The following CPNE4 variants were observed in gnomAD, a reference collection of about 807,000 sequenced individuals.
CPNE4 encodes the protein copine 4, also known as copine-4.
CPNE4 carries 25 observed loss-of-function variants against 67.9 expected under a neutral mutation model. The ratio of observed to expected loss-of-function variants is 0.37; its 90% CI spans 0.27 to 0.51. CPNE4 has a LOEUF of 0.51. Among genes scored for constraint, CPNE4 ranks in the 20% least tolerant of loss-of-function variants. The pLI is 0.93. For missense variants in CPNE4, 464 were observed against 690.8 expected (o/e 0.67, Z 3.68); for synonymous variants, 242 against 244.9 (o/e 0.99, Z 0.11).
At chr3:131,650,205 C>T (rs1483274435) in intron 7 of CPNE4, among the ~76,000 whole-genome samples, 1 of 152,196 alleles carries the variant, frequency 6.6e-6, no homozygotes, top group Non-Finnish European at 1.5e-5. Flanking sequence ...ATATTAATTA[C>T]ATCTTCACCT....
At chr3:131,712,103 C>G (rs1361719494) in intron 3 of CPNE4, among the ~76,000 whole-genome samples, 1 of 151,558 alleles carries the variant, frequency 6.6e-6, no homozygotes, top group African/African-American at 2.4e-5. Flanking sequence ...TTTTAAAGTT[C>G]TTCCACATTT....
intron 2 of CPNE4, among the ~76,000 whole-genome samples, chr3:131,840,527 C>A (rs530230117): frequency 1.3e-5 from 2 of 152,286 alleles, no homozygotes; most frequent in South Asian, 4.1e-4. Context: ...AGCAGCAAGA[C>A]AAATATTTGT....
chr3:131,887,178 G>C (rs1163765937), intron 2 of CPNE4, among the ~76,000 whole-genome samples: 1 of 152,170 alleles, frequency 6.6e-6, no homozygotes, highest in Non-Finnish European at 1.5e-5. Context: ...CCCCCATACT[G>C]TTCTCATGGT....
intron 2 of CPNE4, among the ~76,000 whole-genome samples, chr3:131,751,138 G>T (rs1160336815): frequency 3.3e-5 from 5 of 151,936 alleles, no homozygotes; most frequent in African/African-American, 4.8e-5. Context: ...ATTTCCTTAG[G>T]TTTACCCTGC....
intron 7 of CPNE4, among the ~76,000 whole-genome samples, chr3:131,609,701 T>C (rs192075405): frequency 2.0e-5 from 3 of 152,326 alleles, no homozygotes; most frequent in Admixed American, 1.3e-4. Context: ...CTAGATGTGA[T>C]TGGAATGGAG....
At chr3:131,942,458 G>C (rs1422674170) in intron 1 of CPNE4, among the ~76,000 whole-genome samples, 1 of 58,100 alleles carries the variant, frequency 1.7e-5, no homozygotes, top group Non-Finnish European at 3.3e-5. Flanking sequence ...GTGTGTGTGT[G>C]TGTGTGAGAG....
At chr3:131,848,880 C>T (rs2086109316) in intron 2 of CPNE4, among the ~76,000 whole-genome samples, 1 of 145,376 alleles carries the variant, frequency 6.9e-6, no homozygotes, top group South Asian at 2.2e-4. Context: ...ACTCCATGTG[C>T]CCATAGGGAA....
At chr3:131,888,030 A>T (rs2087963959) in intron 2 of CPNE4, among the ~76,000 whole-genome samples, 1 of 152,184 alleles carries the variant, frequency 6.6e-6, no homozygotes, top group African/African-American at 2.4e-5. Context: ...TCTGGCCAAT[A>T]AATTATCCCC....
intron 6 of CPNE4, among the ~76,000 whole-genome samples, chr3:131,674,746 C>G (rs2080516509): frequency 1.3e-5 from 2 of 151,334 alleles, no homozygotes; most frequent in South Asian, 4.2e-4. Context: ...TTTTCTTTAT[C>G]TTTTCAAAAA....
At chr3:131,591,099 G>C (rs1211766546) in intron 7 of CPNE4, among the ~76,000 whole-genome samples, 2 of 152,078 alleles carry the variant, frequency 1.3e-5, no homozygotes, top group Non-Finnish European at 2.9e-5. Context: ...CCTCCTTATT[G>C]ACCCTGGCAT....
At chr3:131,581,701 G>A in intron 8 of CPNE4, 36 bp from the exon 9 acceptor site, 1 of 1,489,194 alleles carries the variant, frequency 6.7e-7, no homozygotes, top group Admixed American at 1.7e-5. Context: ...ATCTGTTCAG[G>A]AAAAAGCTGA....
chr3:131,779,810 C>CA (rs1162179778), intron 2 of CPNE4, among the ~76,000 whole-genome samples: 9 of 152,030 alleles, frequency 5.9e-5, no homozygotes, highest in Admixed American at 1.3e-4. Flanking sequence ...AAAGCAATCA[C>CA]AAAAAAACCC....
intron 2 of CPNE4, among the ~76,000 whole-genome samples, chr3:131,856,809 G>T (rs1408797452): frequency 6.6e-6 from 1 of 151,988 alleles, no homozygotes; most frequent in Non-Finnish European, 1.5e-5. Flanking sequence ...TGAGGTAATT[G>T]CTGTTGTCCC....
intron 1 of CPNE4, among the ~76,000 whole-genome samples, chr3:132,010,386 G>T (rs187372698): frequency 3.9e-5 from 6 of 152,128 alleles, no homozygotes; most frequent in African/African-American, 1.4e-4. Context: ...TCTACCAAAC[G>T]CTTCAATAAT....
intron 7 of CPNE4, among the ~76,000 whole-genome samples, chr3:131,660,976 C>A (rs1560069338): frequency 6.6e-6 from 1 of 152,098 alleles, no homozygotes; most frequent in Non-Finnish European, 1.5e-5. Context: ...AAAAATAAGT[C>A]CCTAAGATAT....
At chr3:132,036,025 C>G (rs1040000391), upstream of CPNE4, among the ~76,000 whole-genome samples, 1 of 152,088 alleles carries the variant, frequency 6.6e-6, no homozygotes, top group Non-Finnish European at 1.5e-5. Flanking sequence ...AAAGGAGAAC[C>G]AATAGGGTAA....
Position 131,564,112 on chromosome 3 carries a change from A to C in CPNE4, c.1061+104T>G, listed in dbSNP as rs1381428489. On this transcript the variant is annotated intron_variant, in intron 11 of 15. Coordinates refer to ENST00000429747, the MANE Select transcript of CPNE4 (RefSeq NM_130808.3). ...ATGAAACTTTTGAAGTCACTACATA[A>C]GGAGCTACTAGACTTAATTTCCACT... is the stretch of plus-strand genomic sequence containing the variant. The C allele has an allele frequency of 3.7e-6, 5 of 1,343,566 alleles. No individual in the cohort carries two copies. In the East Asian group the frequency reaches 1.2e-4, roughly 31 times the overall value. 83.2% of individuals were successfully genotyped at this position (1,343,566 alleles called of 1,614,324 possible).
At chr3:131,871,261 TCCTGTGCC>T (rs1321631148) in intron 2 of CPNE4, among the ~76,000 whole-genome samples, 2 of 152,170 alleles carry the variant, frequency 1.3e-5, no homozygotes. Context: ...GAGAATGACT[TCCTGTGCC>T]CTGGAAGGTA....
At chr3:131,718,089 G>T (rs1430712294) in intron 3 of CPNE4, among the ~76,000 whole-genome samples, 1 of 151,664 alleles carries the variant, frequency 6.6e-6, no homozygotes, top group Non-Finnish European at 1.5e-5. Context: ...CTGCCTCCCG[G>T]GTTCAAGCAA....
Sources: allele counts gnomAD v4.1 joint callset (sites outside exome capture counted in the v4.1 genomes callset), GRCh38; gene constraint gnomAD v4.1.1; transcripts MANE v1.5; gene names NCBI Gene and HGNC (gene_info 2026-07-23, HGNC 2026-07-21).